The following DAP3 variants were observed in gnomAD, a reference collection of about 807,000 sequenced individuals.
DAP3 encodes the protein death associated protein 3.
DAP3 carries 28 observed loss-of-function variants against 51.9 expected under a neutral mutation model. The ratio of observed to expected loss-of-function variants is 0.54; its 90% CI spans 0.40 to 0.74. The LOEUF (loss-of-function observed/expected upper bound fraction) is 0.74, where lower values mean the gene tolerates loss of function less well. Ranked by LOEUF, DAP3 falls within the 30% of genes least tolerant of loss-of-function variation. The pLI, the probability that DAP3 is intolerant of heterozygous loss-of-function variation, is 0.00. For synonymous variants in DAP3, 170 were observed against 170.3 expected, an observed-to-expected ratio of 1.00 and a Z score of 0.01; for missense variants, 458 against 483.5, an observed-to-expected ratio of 0.95 and a Z score of 0.49.
upstream of DAP3, chr1:155,688,839 G>A: frequency 6.3e-7 from 1 of 1,586,774 alleles, no homozygotes; most frequent in South Asian, 1.1e-5. Context: ...GCGGCTGCAG[G>A]GGCAGGAGAG....
intron 1 of DAP3, among the ~76,000 whole-genome samples, chr1:155,696,274 G>T (rs968541132): frequency 1.3e-5 from 2 of 151,888 alleles, no homozygotes; most frequent in African/African-American, 4.8e-5. Flanking sequence ...TACTAACCTG[G>T]GCTTGCTGAA....
At chr1:155,699,363 G>A (rs756617632) in intron 1 of DAP3, among the ~76,000 whole-genome samples, 1 of 152,186 alleles carries the variant, frequency 6.6e-6, no homozygotes, top group Non-Finnish European at 1.5e-5. Flanking sequence ...CTTGAGCACA[G>A]TGTTTATAGA....
chr1:155,688,571 G>C, upstream of DAP3: 1 of 1,537,724 alleles, frequency 6.5e-7, no homozygotes, highest in East Asian at 2.4e-5. Flanking sequence ...CATCCCGTAC[G>C]CGCTCACCCA....
At chr1:155,730,130 A>G (rs535203197) in intron 9 of DAP3, among the ~76,000 whole-genome samples, 3 of 134,786 alleles carry the variant, frequency 2.2e-5, no homozygotes, top group African/African-American at 7.1e-5. Context: ...TTATATATAC[A>G]TATATTCATA....
chr1:155,722,772 C>G (rs760320463), intron 4 of DAP3, among the ~76,000 whole-genome samples: 36 of 152,140 alleles, frequency 2.4e-4, no homozygotes, highest in Non-Finnish European at 3.8e-4. Context: ...CACTCCAACT[C>G]AGACAACAGA....
At chr1:155,726,113 C>CTTTTTTTTTTT (rs377658512) in intron 6 of DAP3, 94 bp downstream of exon 6, 17 of 676,984 alleles carry the variant, frequency 2.5e-5, no homozygotes, top group East Asian at 4.0e-5. Context: ...CTTTTCTTTT[C>CTTTTTTTTTTT]TTTTTTTTTT....
chr1:155,737,718 A>C (rs777253268), intron 12 of DAP3, among the ~76,000 whole-genome samples: 1 of 151,868 alleles, frequency 6.6e-6, no homozygotes, highest in Non-Finnish European at 1.5e-5. Context: ...TGATGTCGGG[A>C]GTTTGAGACC....
At chr1:155,694,064 T>G (rs1426272416) in intron 1 of DAP3, among the ~76,000 whole-genome samples, 1 of 141,928 alleles carries the variant, frequency 7.0e-6, no homozygotes, top group Non-Finnish European at 1.5e-5. Context: ...TTTCTGGGCT[T>G]AAACTGTTAC....
Position 155,693,773 on chromosome 1 carries a change from C to T in DAP3, c.-8+4599C>T, listed in dbSNP as rs1654169283. ...GGTCGGGAGTTCGAGACCAGTCTGGCCAACATGGAGAAACCCCCTCTCTAC... is the reference window on the plus strand; with the variant it reads ...GGTCGGGAGTTCGAGACCAGTCTGGTCAACATGGAGAAACCCCCTCTCTAC... On this transcript the variant is annotated intron_variant, in intron 1 of 12. Coordinates refer to ENST00000368336, the MANE Select transcript of DAP3 (RefSeq NM_004632.4). Among the ~76,000 whole-genome samples the T allele has an allele frequency of 1.4e-5, 2 of 141,408 alleles. 1 individual carries two copies. The allele number at this position is 141,408 out of a possible 152,430, so 92.8% of individuals were successfully genotyped here. A position where few individuals can be genotyped will look rare whatever the true frequency, so the allele number is the denominator to read the frequency against.
intron 11 of DAP3, among the ~76,000 whole-genome samples, chr1:155,735,469 C>T (rs1476121594): frequency 6.6e-6 from 1 of 151,610 alleles, no homozygotes; most frequent in Non-Finnish European, 1.5e-5. Flanking sequence ...GCCAGCTACT[C>T]GTGAGGCTGA....
intron 1 of DAP3, among the ~76,000 whole-genome samples, chr1:155,707,299 G>T (rs1656115359): frequency 6.6e-6 from 1 of 151,054 alleles, no homozygotes; most frequent in African/African-American, 2.4e-5. Flanking sequence ...TGTAGTCCCA[G>T]CTACTCGGGA....
At chr1:155,723,972 G>C (rs1658279753) in intron 4 of DAP3, among the ~76,000 whole-genome samples, 2 of 151,562 alleles carry the variant, frequency 1.3e-5, no homozygotes, top group African/African-American at 2.4e-5. Context: ...CCGGGAGGCG[G>C]AGGTTGCAGT....
At chr1:155,719,442 G>T (rs1404699479) in intron 3 of DAP3, among the ~76,000 whole-genome samples, 5 of 151,586 alleles carry the variant, frequency 3.3e-5, no homozygotes. Context: ...TACCATGTTG[G>T]CCAGGCTGGT....
At chr1:155,718,977 C>T (rs915807114) in intron 3 of DAP3, among the ~76,000 whole-genome samples, 5 of 152,112 alleles carry the variant, frequency 3.3e-5, no homozygotes, top group African/African-American at 1.2e-4. Flanking sequence ...ATCCAGATGG[C>T]AAGAATTGTC....
chr1:155,688,717 C>A (rs1653134526), upstream of DAP3: 2 of 1,520,634 alleles, frequency 1.3e-6, no homozygotes, highest in African/African-American at 1.4e-5. Flanking sequence ...CCCTCCCTCC[C>A]CGCCCGCACG....
intron 1 of DAP3, among the ~76,000 whole-genome samples, chr1:155,700,319 C>T (rs1465204440): frequency 3.9e-5 from 6 of 152,234 alleles, no homozygotes; most frequent in Non-Finnish European, 8.8e-5. Context: ...CAAATATTTT[C>T]TCCCATTCTG....
At chr1:155,716,948 C>CAAAAAAA in intron 2 of DAP3, 58 bp from the exon 3 acceptor site, 2 of 1,395,038 alleles carry the variant, frequency 1.4e-6, no homozygotes, top group Non-Finnish European at 1.9e-6. Context: ...AACTCCATCT[C>CAAAAAAA]AAAAAAAAAA....
intron 9 of DAP3, among the ~76,000 whole-genome samples, chr1:155,730,218 A>G (rs930921583): frequency 6.7e-6 from 1 of 148,658 alleles, no homozygotes; most frequent in African/African-American, 2.4e-5. Flanking sequence ...ATGTATATAT[A>G]ATATTCATAT....
rs764932759 is a variant in DAP3 at position 155,709,695 on chromosome 1, C to T, written c.-7-78C>T. ...ATATAGATTATTAATCCCTATTAATCTATTGTCAGTTTTCCATGTTGCACA... is the reference window on the plus strand; with the variant it reads ...ATATAGATTATTAATCCCTATTAATTTATTGTCAGTTTTCCATGTTGCACA... On this transcript the variant is annotated intron_variant, in intron 1 of 12. Coordinates refer to ENST00000368336, the MANE Select transcript of DAP3 (RefSeq NM_004632.4). The T allele has an allele frequency of 1.4e-4, 167 of 1,225,826 alleles. 2 individuals are homozygous for T. The highest frequency in any genetic ancestry group is 1.9e-4 in the Non-Finnish European group (163 of 857,574). 75.9% of individuals were successfully genotyped at this position (1,225,826 alleles called of 1,614,324 possible).
Sources: gnomAD v4.1 joint callset for allele counts (sites outside exome capture counted in the v4.1 genomes callset) on GRCh38, gnomAD v4.1.1 for gene constraint, MANE v1.5 for transcripts, NCBI Gene and HGNC (gene_info 2026-07-23, HGNC 2026-07-21) for gene names.